The following CMIP variants were observed in gnomAD, a reference collection of about 807,000 sequenced individuals.
CMIP encodes the protein C-Maf-inducing protein.
A neutral mutation model predicts 97.3 loss-of-function variants in CMIP; 13 were observed. The observed-to-expected ratio is 0.13, with a 90% confidence interval of 0.09 to 0.21. The LOEUF is 0.21. Among genes scored for constraint, CMIP ranks in the 10% least tolerant of loss-of-function variants. The pLI, the probability that CMIP is intolerant of heterozygous loss-of-function variation, is 1.00. For synonymous variants in CMIP, 538 were observed against 436.3 expected (o/e 1.23, Z -2.91); for missense variants, 847 against 1,024.9 (o/e 0.83, Z 2.37).
chr16:81,457,726 G>T (rs1003921871), intron 1 of CMIP, among the ~76,000 whole-genome samples: 1 of 152,222 alleles, frequency 6.6e-6, no homozygotes, highest in Non-Finnish European at 1.5e-5. Context: ...ATGTGACAGA[G>T]CTGGGAACTC....
At position 81,607,702 on chromosome 16, in the gene CMIP, A is replaced by G; in HGVS notation, c.426+10A>G. 1.2e-6 allele frequency: 2 copies of G among 1,612,494 alleles called. No individual in the cohort carries two copies. On this transcript the variant is annotated intron_variant, in intron 2 of 20. Coordinates refer to ENST00000537098, the MANE Select transcript of CMIP (RefSeq NM_198390.3). ...AACTGTCTTACTGCAGGTAGGAGAA[A>G]TAAACATGAACAAGCAGTTTCTTCT...
rs77356717 is a variant in CMIP at position 81,569,315 on chromosome 16, G to C, written c.301-38252G>C. Among the ~76,000 whole-genome samples the C allele has an allele frequency of 3.3e-3, 499 of 152,340 alleles. 4 individuals carry two copies. The highest frequency in any genetic ancestry group is 0.011 in the African/African-American group (470 of 41,568). ...TCGCAGAGGCAAAAACTGAGGCGCA[G>C]AATGATGAAATGACTTCGGCGAGGT... On this transcript the variant is annotated intron_variant, in intron 1 of 20. Transcript: ENST00000537098.
At chr16:81,642,697 A>C (rs2092320044) in intron 3 of CMIP, among the ~76,000 whole-genome samples, 2 of 152,118 alleles carry the variant, frequency 1.3e-5, no homozygotes, top group Non-Finnish European at 2.9e-5. Flanking sequence ...GGAGTTCGAG[A>C]CCAGCCTGGT....
intron 1 of CMIP, among the ~76,000 whole-genome samples, chr16:81,452,118 C>G (rs749775197): frequency 2.6e-5 from 4 of 152,208 alleles, no homozygotes; most frequent in African/African-American, 4.8e-5. Context: ...CGTTACCCCT[C>G]CCATGTGCAC....
intron 3 of CMIP, among the ~76,000 whole-genome samples, chr16:81,647,899 CCG>C (rs2092381784): frequency 7.0e-6 from 1 of 143,026 alleles, no homozygotes; most frequent in African/African-American, 2.7e-5. Context: ...ACCCACAACG[CCG>C]TAGCCCACCC....
At chr16:81,524,437 T>C (rs1191614530) in intron 1 of CMIP, among the ~76,000 whole-genome samples, 2 of 152,208 alleles carry the variant, frequency 1.3e-5, no homozygotes, top group Non-Finnish European at 2.9e-5. Flanking sequence ...TGACCTTGGG[T>C]GAGTTAACTA....
chr16:81,474,707 C>T (rs777431892), intron 1 of CMIP, among the ~76,000 whole-genome samples: 24 of 152,322 alleles, frequency 1.6e-4, no homozygotes, highest in Admixed American at 7.2e-4. Flanking sequence ...CAGTGTTGGC[C>T]GTGCTCATGG....
At chr16:81,573,702 G>C (rs564264079) in intron 1 of CMIP, among the ~76,000 whole-genome samples, 1 of 152,146 alleles carries the variant, frequency 6.6e-6, no homozygotes, top group Non-Finnish European at 1.5e-5. Context: ...CTGAGAGAAG[G>C]GTTTTTTAAA....
In CMIP at chr16:81,652,140, C is replaced by A; in HGVS notation, c.478-63C>A. On this transcript the variant is annotated intron_variant, in intron 3 of 20. Coordinates refer to ENST00000537098, the MANE Select transcript of CMIP (RefSeq NM_198390.3). This position sits in a 1 kb window ranked among gnomAD's most constrained non-coding sequence, Gnocchi z 5.2. ...CTAACCCATCTGATTCTTTGATTGTCTTCCATCTTCTGCCTTCCTTACGTG... is the reference window on the plus strand; with the variant it reads ...CTAACCCATCTGATTCTTTGATTGTATTCCATCTTCTGCCTTCCTTACGTG... The A allele has an allele frequency of 7.4e-7, 1 of 1,356,858 alleles. No homozygotes were observed. Among genetic ancestry groups the A allele is most frequent in the Non-Finnish European group, 1.0e-6 (1 of 957,494 alleles). 84.1% of individuals were successfully genotyped at this position (1,356,858 alleles called of 1,614,324 possible). A position where few individuals can be genotyped will look rare whatever the true frequency, so the allele number is the denominator to read the frequency against.
chr16:81,491,467 C>A (rs1182132893), intron 1 of CMIP, among the ~76,000 whole-genome samples: 2 of 152,170 alleles, frequency 1.3e-5, no homozygotes, highest in African/African-American at 4.8e-5. Context: ...CTGTGGGCTC[C>A]AAAGCCCTGG....
rs375506984 is a variant in CMIP at position 81,678,428 on chromosome 16, C to T, written c.1188C>T (p.Val396=). The T allele has an allele frequency of 3.2e-4, 511 of 1,592,186 alleles. No individual in the cohort carries two copies. Among genetic ancestry groups the T allele is most frequent in the Non-Finnish European group, 4.0e-4 (467 of 1,170,318 alleles). The change falls in exon 10 of 21, where the codon GTC becomes GTT. Residue 396 remains valine (V), a synonymous_variant. Coordinates refer to ENST00000537098, the MANE Select transcript of CMIP (RefSeq NM_198390.3). The part of the protein sequence containing the change: ...TLSEARLKSV[V]VASSEIHVEV... ...CTGAGGCCCGGCTCAAGTCGGTGGT[C>T]GTGGCCTCCAGTGAGATCCACGTGG...
intron 11 of CMIP, among the ~76,000 whole-genome samples, chr16:81,692,408 C>T (rs531531147): frequency 1.7e-4 from 26 of 152,158 alleles, no homozygotes; most frequent in Non-Finnish European, 2.5e-4. Context: ...CTAGAGAGAA[C>T]GCTGTCTGGT....
chr16:81,468,893 G>T (rs1260867924), intron 1 of CMIP, among the ~76,000 whole-genome samples: 1 of 152,248 alleles, frequency 6.6e-6, no homozygotes, highest in Non-Finnish European at 1.5e-5. Flanking sequence ...TGGGCTGGGG[G>T]CTGGTGGAAT....
rs1273411623 is a variant in CMIP, at chr16:81,445,140, G to C, written c.-102G>C. The stretch of plus-strand genomic sequence containing the variant: ...AGCCCCACACCCCCCCACCTTCCCG[G>C]GGGGTGGGGGGGTGCGGGCCGCCGG... On this transcript the variant is annotated 5_prime_UTR_variant, in exon 1 of 21. Transcript: ENST00000537098. 1.7e-6 allele frequency: 1 copy of C among 598,822 alleles called. No homozygotes were observed. The highest frequency in any genetic ancestry group is 2.5e-6 in the Non-Finnish European group (1 of 396,016). 37.1% of individuals were successfully genotyped at this position (598,822 alleles called of 1,614,324 possible).
At chr16:81,680,928 G>T (rs59497066) in intron 10 of CMIP, among the ~76,000 whole-genome samples, 2,315 of 152,332 alleles carry the variant, frequency 0.015, 78 homozygotes, top group African/African-American at 0.053. Flanking sequence ...TTGAGTTTCA[G>T]CACGCAGTTG....
At chr16:81,654,320 C>T (rs890328351) in intron 4 of CMIP, among the ~76,000 whole-genome samples, 2 of 152,132 alleles carry the variant, frequency 1.3e-5, no homozygotes, top group African/African-American at 4.8e-5. Context: ...GATCCTCCCA[C>T]CTTGGCCTCC....
chr16:81,687,742 C>G (rs1233137443), intron 10 of CMIP, among the ~76,000 whole-genome samples: 1 of 152,204 alleles, frequency 6.6e-6, no homozygotes, highest in African/African-American at 2.4e-5. Context: ...CCGGCGAGTT[C>G]TCTGGACGCT....
chr16:81,695,124 C>A (rs1038583029), intron 13 of CMIP, among the ~76,000 whole-genome samples: 2 of 152,194 alleles, frequency 1.3e-5, no homozygotes, highest in Non-Finnish European at 2.9e-5. Context: ...TGCATGAGGC[C>A]CCGAGTGACC....
chr16:81,481,725 A>C (rs2089226361), intron 1 of CMIP, among the ~76,000 whole-genome samples: 1 of 152,086 alleles, frequency 6.6e-6, no homozygotes, highest in Non-Finnish European at 1.5e-5. Flanking sequence ...GTAGGGGCTA[A>C]AGTTGAGGTG....
Sources: allele counts gnomAD v4.1 joint callset (sites outside exome capture counted in the v4.1 genomes callset), GRCh38; gene constraint gnomAD v4.1.1; non-coding constraint Gnocchi (gnomAD v3.1); transcripts MANE v1.5; gene names NCBI Gene and HGNC (gene_info 2026-07-23, HGNC 2026-07-21).